BBX: variants seen among roughly 807,000 people sequenced by gnomAD.
BBX encodes BBX high mobility group box domain containing, also known as HMG box transcription factor BBX.
A neutral mutation model predicts 100.2 loss-of-function variants in BBX; 30 were observed. That is an observed-to-expected ratio of 0.30 (90% confidence interval 0.22 to 0.41). The LOEUF is 0.41. BBX is among the 10% of genes least tolerant of loss of function. The pLI, the probability that BBX is intolerant of heterozygous loss-of-function variation, is 1.00. For synonymous variants in BBX, 376 were observed against 388.1 expected, an observed-to-expected ratio of 0.97 and a Z score of 0.37; for missense variants, 1,023 against 1,129.8, an observed-to-expected ratio of 0.91 and a Z score of 1.35.
chr3:107,676,990 T>C (rs1338965665), intron 3 of BBX, among the ~76,000 whole-genome samples: 2 of 152,146 alleles, frequency 1.3e-5, no homozygotes, highest in African/African-American at 4.8e-5. Context: ...TTTATTTTTT[T>C]CTCTGAAGGT....
intron 2 of BBX, among the ~76,000 whole-genome samples, chr3:107,557,011 T>G (rs745675160): frequency 7.9e-5 from 12 of 152,194 alleles, no homozygotes; most frequent in Admixed American, 1.3e-4. Context: ...CTTCTTTTGA[T>G]TTTTGATTTT....
intron 2 of BBX, among the ~76,000 whole-genome samples, chr3:107,548,980 G>A (rs1402192464): frequency 6.6e-6 from 1 of 152,070 alleles, no homozygotes; most frequent in Non-Finnish European, 1.5e-5. Context: ...ACAAACCCTG[G>A]GGACTATTAG....
Position 107,805,794 on chromosome 3 carries a change from A to G in BBX, c.*337A>G, listed in dbSNP as rs2071024600. 2 of 333,140 alleles carry G rather than the reference A, an allele frequency of 6.0e-6. No homozygotes were observed. Among genetic ancestry groups the G allele is most frequent in the East Asian group, 4.7e-5 (1 of 21,084 alleles). 20.6% of individuals were successfully genotyped at this position (333,140 alleles called of 1,614,324 possible). On this transcript the variant is annotated 3_prime_UTR_variant, in exon 18 of 18. Transcript: ENST00000325805. ...AGCTCACCCAGCATCTCTTTTACCA[A>G]CCAGAGAGTGTGAAACTAGTTTCAT...
At chr3:107,673,118 A>T (rs1206528984) in intron 3 of BBX, among the ~76,000 whole-genome samples, 1 of 152,066 alleles carries the variant, frequency 6.6e-6, no homozygotes, top group Non-Finnish European at 1.5e-5. Flanking sequence ...GTAAAGTAGG[A>T]GTCCAAAATG....
chr3:107,788,017 A>G (rs1317375509), intron 13 of BBX, among the ~76,000 whole-genome samples: 3 of 152,182 alleles, frequency 2.0e-5, no homozygotes, highest in Non-Finnish European at 4.4e-5. Context: ...AGTCCTCGTA[A>G]GATAGTATAA....
At chr3:107,660,505 T>TAAA (rs34604623) in intron 3 of BBX, among the ~76,000 whole-genome samples, 5 of 101,254 alleles carry the variant, frequency 4.9e-5, no homozygotes, top group Non-Finnish European at 1.0e-4. Context: ...CAAAAAGCAT[T>TAAA]AAAAAAAAAA....
At position 107,588,189 on chromosome 3, in the gene BBX, A is replaced by G. The variant is rs1375709735; in HGVS notation, c.-83-57647A>G. ...AATTATTAAATGATTTGAATGACTG[A>G]AGGTTCTGCTTGGTCAGCTAAGGCT... On this transcript the variant is annotated intron_variant, in intron 2 of 17. Coordinates refer to ENST00000325805, the MANE Select transcript of BBX (RefSeq NM_001142568.3). Among the ~76,000 whole-genome samples the G allele has an allele frequency of 2.6e-5, 4 of 152,196 alleles. No homozygotes were observed. In the East Asian group the frequency reaches 7.7e-4, roughly 29 times the overall value.
chr3:107,793,184 G>A (rs2069234320), intron 15 of BBX, among the ~76,000 whole-genome samples: 3 of 152,168 alleles, frequency 2.0e-5, no homozygotes, highest in Non-Finnish European at 2.9e-5. Context: ...TCTTGAGTAA[G>A]TATTGTGTTA....
chr3:107,672,678 G>A (rs2059079859), intron 3 of BBX, among the ~76,000 whole-genome samples: 1 of 151,928 alleles, frequency 6.6e-6, no homozygotes, highest in African/African-American at 2.4e-5. Flanking sequence ...GAAATATTAG[G>A]ATCTTATGAT....
intron 2 of BBX, among the ~76,000 whole-genome samples, chr3:107,632,525 G>A (rs2056609812): frequency 6.6e-6 from 1 of 152,030 alleles, no homozygotes; most frequent in Admixed American, 6.6e-5. Context: ...TTCTTTTATT[G>A]CTTTTATGTC....
chr3:107,732,947 C>G lies in BBX; in HGVS notation c.602-9C>G. On this transcript the variant is annotated splice_polypyrimidine_tract_variant and intron_variant, in intron 6 of 17. Transcript: ENST00000325805. ...TTATAAGTTGGTGATTTGTTTTTGA[C>G]TTATTTAGATCCTACTCAAATGGGA... The G allele has an allele frequency of 6.2e-7, 1 of 1,611,358 alleles. No homozygotes were observed.
intron 10 of BBX, among the ~76,000 whole-genome samples, chr3:107,762,995 G>A (rs1576681938): frequency 6.6e-6 from 1 of 151,946 alleles, no homozygotes; most frequent in African/African-American, 2.4e-5. Flanking sequence ...ATTTCAAATA[G>A]TGTATAACAT....
intron 10 of BBX, among the ~76,000 whole-genome samples, chr3:107,760,935 T>G (rs1203400909): frequency 6.6e-6 from 1 of 152,226 alleles, no homozygotes; most frequent in African/African-American, 2.4e-5. Context: ...CCTGGAGACA[T>G]CAAGCTAGCC....
chr3:107,729,045 G>A, intron 6 of BBX, 85 bp downstream of exon 6: 4 of 1,388,164 alleles, frequency 2.9e-6, no homozygotes, highest in Admixed American at 2.2e-5. Flanking sequence ...GAGGGCGGGG[G>A]GACAAAATTT....
At chr3:107,557,467 A>G (rs561074134) in intron 2 of BBX, among the ~76,000 whole-genome samples, 1 of 152,328 alleles carries the variant, frequency 6.6e-6, no homozygotes, top group South Asian at 2.1e-4. Flanking sequence ...AGTTTATCAA[A>G]TCAAACCCTA....
At chr3:107,763,247 C>G (rs2066049596) in intron 10 of BBX, among the ~76,000 whole-genome samples, 1 of 141,490 alleles carries the variant, frequency 7.1e-6, no homozygotes, top group Non-Finnish European at 1.5e-5. Context: ...TTTTTTGAGA[C>G]AGAGTCTCGC....
At chr3:107,756,906 C>T (rs2065520472) in intron 10 of BBX, among the ~76,000 whole-genome samples, 1 of 152,038 alleles carries the variant, frequency 6.6e-6, no homozygotes, top group Admixed American at 6.5e-5. Context: ...CAAGAGAGTG[C>T]CTTTAGAGTT....
At chr3:107,667,392 C>T (rs1344453740) in intron 3 of BBX, among the ~76,000 whole-genome samples, 1 of 152,032 alleles carries the variant, frequency 6.6e-6, no homozygotes, top group Non-Finnish European at 1.5e-5. Context: ...AAACCTACAA[C>T]ACTCATTTAG....
chr3:107,710,668 A>T (rs763627098), intron 4 of BBX, 46 bp downstream of exon 4: 1 of 1,486,274 alleles, frequency 6.7e-7, no homozygotes. Context: ...ATTAGAGCAA[A>T]TCATAATCTA....
Sources: gnomAD v4.1 joint callset for allele counts (sites outside exome capture counted in the v4.1 genomes callset) on GRCh38, gnomAD v4.1.1 for gene constraint, MANE v1.5 for transcripts, NCBI Gene and HGNC (gene_info 2026-07-23, HGNC 2026-07-21) for gene names.